EPB41L4B: variants seen among roughly 807,000 people sequenced by gnomAD.
EPB41L4B encodes the protein band 4.1-like protein 4B.
Under a neutral mutation model 112.5 loss-of-function variants are expected in EPB41L4B, and 30 were observed. That is an observed-to-expected ratio of 0.27 (90% CI 0.20 to 0.36). The LOEUF is 0.36. EPB41L4B is among the 10% of genes least tolerant of loss of function. The probability of loss-of-function intolerance (pLI) is 1.00; values close to 1 mark genes in which losing one functional copy is unlikely to be tolerated. For synonymous variants in EPB41L4B, 408 were observed against 439.7 expected (o/e 0.93, Z 0.90); for missense variants, 1,024 against 1,133.3 (o/e 0.90, Z 1.38).
At chr9:109,190,646 C>G (rs73517300) in intron 22 of EPB41L4B, among the ~76,000 whole-genome samples, 16,332 of 152,260 alleles carry the variant, frequency 0.11, 1,579 homozygotes, top group African/African-American at 0.25. Context: ...CAGGGAAAGA[C>G]ACAGACACAT....
chr9:109,213,003 C>T (rs188072062), intron 17 of EPB41L4B, among the ~76,000 whole-genome samples: 111 of 152,286 alleles, frequency 7.3e-4, no homozygotes, highest in Admixed American at 2.4e-3. Context: ...GACACTGGAT[C>T]GAGAGTCAAG....
intron 1 of EPB41L4B, among the ~76,000 whole-genome samples, chr9:109,319,695 G>A (rs1410172847): frequency 6.6e-6 from 1 of 152,200 alleles, no homozygotes; most frequent in Non-Finnish European, 1.5e-5. Context: ...AGTTTGAGGG[G>A]GGACAAGCTG....
At chr9:109,305,986 G>C (rs1011879090) in intron 1 of EPB41L4B, among the ~76,000 whole-genome samples, 3 of 152,122 alleles carry the variant, frequency 2.0e-5, no homozygotes, top group African/African-American at 7.2e-5. Flanking sequence ...CAGGTGAGAA[G>C]TGAAGGGGAC....
intron 15 of EPB41L4B, among the ~76,000 whole-genome samples, chr9:109,229,374 T>A (rs954105167): frequency 1.3e-5 from 2 of 152,188 alleles, no homozygotes; most frequent in Non-Finnish European, 2.9e-5. Context: ...AAGTCCCCCA[T>A]AGGTACTACG....
intron 1 of EPB41L4B, among the ~76,000 whole-genome samples, chr9:109,305,652 G>T (rs1375872956): frequency 1.3e-5 from 2 of 151,934 alleles, no homozygotes; most frequent in Admixed American, 1.3e-4. Flanking sequence ...GCCAGGCGTG[G>T]TGGTTCACAC....
At chr9:109,221,268 A>C (rs1347441842) in intron 15 of EPB41L4B, among the ~76,000 whole-genome samples, 1 of 152,176 alleles carries the variant, frequency 6.6e-6, no homozygotes, top group Non-Finnish European at 1.5e-5. Flanking sequence ...GAAAGGAAGG[A>C]TGGATTAATG....
intron 1 of EPB41L4B, among the ~76,000 whole-genome samples, chr9:109,289,524 A>G (rs1187618289): frequency 6.6e-6 from 1 of 152,256 alleles, no homozygotes; most frequent in African/African-American, 2.4e-5. Context: ...ATTAAGGAGA[A>G]TCCTCAGTTC....
At chr9:109,289,784 G>A (rs1244151411) in intron 1 of EPB41L4B, among the ~76,000 whole-genome samples, 2 of 152,184 alleles carry the variant, frequency 1.3e-5, no homozygotes, top group East Asian at 3.8e-4. Flanking sequence ...CAAGTCCTAG[G>A]TTAGAAAACA....
chr9:109,241,517 A>G, intron 15 of EPB41L4B: 1 of 1,464,728 alleles, frequency 6.8e-7, no homozygotes, highest in Non-Finnish European at 9.0e-7. Flanking sequence ...TTATCTTCAA[A>G]TATTTACATG....
At chr9:109,259,493 C>A (rs781691525) in intron 6 of EPB41L4B, among the ~76,000 whole-genome samples, 1 of 152,180 alleles carries the variant, frequency 6.6e-6, no homozygotes, top group Non-Finnish European at 1.5e-5. Context: ...ACACTTCACT[C>A]AATTTGCAAT....
intron 22 of EPB41L4B, among the ~76,000 whole-genome samples, chr9:109,190,424 C>A (rs1043260773): frequency 1.3e-5 from 2 of 152,226 alleles, no homozygotes; most frequent in African/African-American, 4.8e-5. Flanking sequence ...CAGCCACAGG[C>A]AAAGGGCACA....
intron 7 of EPB41L4B, among the ~76,000 whole-genome samples, chr9:109,257,272 G>C (rs930975497): frequency 2.0e-5 from 3 of 152,188 alleles, no homozygotes; most frequent in Non-Finnish European, 2.9e-5. Context: ...GGAGGAGGCA[G>C]TGTTTGGGGA....
intron 15 of EPB41L4B, among the ~76,000 whole-genome samples, chr9:109,222,169 C>G (rs1833598090): frequency 6.6e-6 from 1 of 152,030 alleles, no homozygotes; most frequent in African/African-American, 2.4e-5. Context: ...ATAAAATATG[C>G]ATGTGTGACC....
intron 15 of EPB41L4B, among the ~76,000 whole-genome samples, chr9:109,234,017 T>C (rs1478420351): frequency 3.3e-5 from 5 of 151,764 alleles, no homozygotes; most frequent in Admixed American, 2.0e-4. Context: ...AAACCGTCTT[T>C]AGAAAGATTA....
intron 15 of EPB41L4B, among the ~76,000 whole-genome samples, chr9:109,219,777 T>A (rs1482446968): frequency 6.6e-6 from 1 of 152,222 alleles, no homozygotes; most frequent in Admixed American, 6.5e-5. Context: ...TTTCTTATTT[T>A]AAAAAATATT....
intron 24 of EPB41L4B, among the ~76,000 whole-genome samples, chr9:109,180,381 C>G (rs551781605): frequency 1.3e-5 from 2 of 152,220 alleles, no homozygotes; most frequent in African/African-American, 2.4e-5. Flanking sequence ...TATGGCCAAC[C>G]AAGGGAGGTG....
At chr9:109,176,123 C>T (rs1458063447) in intron 25 of EPB41L4B, among the ~76,000 whole-genome samples, 1 of 150,808 alleles carries the variant, frequency 6.6e-6, no homozygotes, top group East Asian at 1.9e-4. Context: ...ACAGCCTACC[C>T]TTGTAAACAT....
intron 18 of EPB41L4B, among the ~76,000 whole-genome samples, chr9:109,206,890 C>T (rs1185166948): frequency 6.6e-6 from 1 of 152,252 alleles, no homozygotes; most frequent in Non-Finnish European, 1.5e-5. Flanking sequence ...CGAGTCACCC[C>T]AGCCTTGCTG....
rs1212910345 is a variant in EPB41L4B at position 109,172,850 on chromosome 9, T to A, written c.*1704A>T. Reference sequence around the variant, plus strand: ...CAATACTAGTAAATGAGGCATTACCTTTTTTTGTAGTCATTAGTATCAAAT... The same window carrying A: ...CAATACTAGTAAATGAGGCATTACCATTTTTTGTAGTCATTAGTATCAAAT... On this transcript the variant is annotated 3_prime_UTR_variant, in exon 26 of 26. Transcript: ENST00000374566. 1 of 152,656 alleles carries A rather than the reference T, an allele frequency of 6.6e-6. No homozygotes were observed. Among genetic ancestry groups the A allele is most frequent in the Non-Finnish European group, 1.5e-5 (1 of 68,038 alleles). The allele number at this position is 152,656 out of a possible 1,614,324, so 9.5% of individuals were successfully genotyped here.
Sources: allele counts gnomAD v4.1 joint callset (sites outside exome capture counted in the v4.1 genomes callset), GRCh38; gene constraint gnomAD v4.1.1; transcripts MANE v1.5; gene names NCBI Gene and HGNC (gene_info 2026-07-23, HGNC 2026-07-21).